Variants in AVIL observed in about 807,000 individuals in gnomAD.
AVIL encodes advillin.
AVIL carries 78 observed loss-of-function variants against 109.9 expected under a neutral mutation model. The ratio of observed to expected loss-of-function variants is 0.71; its 90% confidence interval spans 0.59 to 0.86. AVIL has a LOEUF of 0.86. Ranked by LOEUF, AVIL falls within the 40% of genes least tolerant of loss-of-function variation. The pLI is 0.00. For missense variants in AVIL, 892 were observed against 1,016.5 expected (o/e 0.88, Z 1.67); for synonymous variants, 367 against 379.1 (o/e 0.97, Z 0.37).
chr12:57,806,303 G>A, intron 14 of AVIL, 57 bp downstream of exon 14: 3 of 1,586,612 alleles, frequency 1.9e-6, no homozygotes, highest in African/African-American at 1.3e-5. Context: ...ACAGGAGGAG[G>A]GGAGTGCAGG....
rs112927452 is a variant in AVIL at position 57,799,768 on chromosome 12, A to G, written c.2346+27T>C. 9,407 of 1,613,054 alleles carry G rather than the reference A, an allele frequency of 5.8e-3. 282 individuals carry two copies. In the South Asian group the frequency reaches 0.063, roughly 11 times the overall value. On this transcript the variant is annotated intron_variant, in intron 19 of 19. Coordinates refer to ENST00000549994, the MANE Select transcript of AVIL (RefSeq NM_006576.4). ...TTACTCACGGAGAGCTCCACTTCCAACAGACACAGTTCCTTCAGCCACTCA... is the reference window on the plus strand; with the variant it reads ...TTACTCACGGAGAGCTCCACTTCCAGCAGACACAGTTCCTTCAGCCACTCA...
chr12:57,802,456 G>T, intron 16 of AVIL, 108 bp from the exon 17 acceptor site: 2 of 1,339,594 alleles, frequency 1.5e-6, no homozygotes, highest in Non-Finnish European at 2.1e-6. Context: ...GCAATTCACA[G>T]CCTCAGAAAA....
rs375869474 is a variant in AVIL at position 57,814,191 on chromosome 12, G to A, written c.102C>T (p.His34=). 19 of 1,612,996 alleles carry A rather than the reference G, an allele frequency of 1.2e-5. No individual in the cohort carries two copies. Among genetic ancestry groups the A allele is most frequent in the Admixed American group, 3.3e-5 (2 of 59,908 alleles). ...MELALVPVSA[H]GNFYEGDCYV... ...AGCAGTCCCCCTCATAGAAGTTGCC[G>A]TGGGCGCTCACAGGCACCAGCGCCA... Residue 34 remains histidine (H), a synonymous_variant, in exon 3 of 20, where the codon CAC becomes CAT. Transcript: ENST00000549994.
In AVIL at chr12:57,797,510, A is replaced by T. The variant is rs1379001118; in HGVS notation, c.*372T>A. ...ACAGGCTAAATAGATTTTAGAAATA[A>T]TCATCTTAAAATTGAAAACAAAGGT... On this transcript the variant is annotated 3_prime_UTR_variant, in exon 20 of 20. Coordinates refer to ENST00000549994, the MANE Select transcript of AVIL (RefSeq NM_006576.4). 1.0e-5 allele frequency: 10 copies of T among 973,254 alleles called. No individual in the cohort carries two copies. Among genetic ancestry groups the T allele is most frequent in the Non-Finnish European group, 1.2e-5 (10 of 818,798 alleles). 60.3% of individuals were successfully genotyped at this position (973,254 alleles called of 1,614,324 possible). A position where few individuals can be genotyped will look rare whatever the true frequency, so the allele number is the denominator to read the frequency against.
chr12:57,810,660 A>T, intron 6 of AVIL, 109 bp from the exon 7 acceptor site: 3 of 1,404,908 alleles, frequency 2.1e-6, no homozygotes, highest in Non-Finnish European at 3.0e-6. Context: ...TTGGATGCTG[A>T]GGAGTCCAGG....
At chr12:57,803,037 C>T (rs560265191) in intron 16 of AVIL, among the ~76,000 whole-genome samples, 115 of 152,232 alleles carry the variant, frequency 7.6e-4, no homozygotes, top group African/African-American at 2.6e-3. Flanking sequence ...TGGGAAAATG[C>T]CCAGGATGGT....
chr12:57,817,186 C>T (rs1388953320), intron 1 of AVIL, among the ~76,000 whole-genome samples: 2 of 151,818 alleles, frequency 1.3e-5, no homozygotes, highest in East Asian at 1.9e-4. Context: ...TTAATTTCTC[C>T]CAAGAGGCAA....
chr12:57,812,045 C>T (rs1956044953), intron 4 of AVIL, among the ~76,000 whole-genome samples: 1 of 152,050 alleles, frequency 6.6e-6, no homozygotes, highest in African/African-American at 2.4e-5. Flanking sequence ...GGCTAGAGTT[C>T]AATAGTGCAA....
intron 19 of AVIL, among the ~76,000 whole-genome samples, chr12:57,799,009 A>G (rs1955792681): frequency 6.6e-6 from 1 of 152,232 alleles, no homozygotes; most frequent in Admixed American, 6.5e-5. Context: ...GGTGCAGAGA[A>G]GCTGAGAATA....
chr12:57,798,951 A>G (rs1323045346), intron 19 of AVIL, among the ~76,000 whole-genome samples: 2 of 152,212 alleles, frequency 1.3e-5, no homozygotes, highest in Non-Finnish European at 2.9e-5. Flanking sequence ...ATGTTAATTC[A>G]TTCACGCAAA....
chr12:57,797,842 T>C lies in AVIL; in HGVS notation c.*40A>G, dbSNP rs1363936600. ...ATTTCCTGATATTGGCACTATCTGC[T>C]CTTTTCTGTGGCCTTGCAATAGGTA... On this transcript the variant is annotated 3_prime_UTR_variant, in exon 20 of 20. Transcript: ENST00000549994. 6.9e-7 allele frequency: 1 copy of C among 1,458,450 alleles called. No homozygotes were observed. Among genetic ancestry groups the C allele is most frequent in the Non-Finnish European group, 9.3e-7 (1 of 1,074,528 alleles). The allele number at this position is 1,458,450 out of a possible 1,614,324, so 90.3% of individuals were successfully genotyped here.
rs1002635882 is a variant in AVIL, at chr12:57,797,806, G to A, written c.*76C>T. ...GTAGCTGAATGTCAGGCAGAAATTGGTGGATAAATTATTTCCTGATATTGG... is the reference window on the plus strand; with the variant it reads ...GTAGCTGAATGTCAGGCAGAAATTGATGGATAAATTATTTCCTGATATTGG... On this transcript the variant is annotated 3_prime_UTR_variant, in exon 20 of 20. Transcript: ENST00000549994. The A allele has an allele frequency of 8.6e-7, 1 of 1,159,820 alleles. No individual in the cohort carries two copies. The highest frequency in any genetic ancestry group is 1.2e-6 in the Non-Finnish European group (1 of 846,814). The allele number at this position is 1,159,820 out of a possible 1,614,324, so 71.8% of individuals were successfully genotyped here. A position where few individuals can be genotyped will look rare whatever the true frequency, so the allele number is the denominator to read the frequency against.
chr12:57,818,182 C>CTTTTTTTTTTTTTTT lies in AVIL; in HGVS notation c.-20+432_-20+446dup, dbSNP rs66731427. ...CACAGGTGTGCACCACCATGCTTGGCTTTTTTTTTTTTTTTTTTTTTTTTT... is the reference window on the plus strand; with the variant it reads ...CACAGGTGTGCACCACCATGCTTGGCTTTTTTTTTTTTTTTTTTTTTTTTTTTTTTTTTTTTTTTT... On this transcript the variant is annotated intron_variant, in intron 1 of 19. Transcript: ENST00000549994. 2.0e-3 allele frequency among the ~76,000 whole-genome samples: 69 copies of CTTTTTTTTTTTTTTT among 35,272 alleles called. 17 individuals are homozygous for CTTTTTTTTTTTTTTT. Among genetic ancestry groups the CTTTTTTTTTTTTTTT allele is most frequent in the East Asian group, 7.1e-3 (4 of 560 alleles). The allele number at this position is 35,272 out of a possible 152,430, so 23.1% of individuals were successfully genotyped here.
intron 1 of AVIL, chr12:57,816,418 T>C (rs898773925): frequency 9.1e-5 from 17 of 187,414 alleles, no homozygotes; most frequent in African/African-American, 3.8e-4. Flanking sequence ...TCATCTTACA[T>C]TGTGTGAATC....
intron 18 of AVIL, 133 bp downstream of exon 18, chr12:57,801,011 C>G: frequency 1.5e-6 from 1 of 650,888 alleles, no homozygotes; most frequent in Non-Finnish European, 2.5e-6. Flanking sequence ...TACAAAAAGT[C>G]TTTACATCAA....
chr12:57,809,940 T>G, intron 7 of AVIL, 50 bp from the exon 8 acceptor site: 1 of 1,572,318 alleles, frequency 6.4e-7, no homozygotes, highest in Non-Finnish European at 8.7e-7. Flanking sequence ...TAAAGCATCT[T>G]GTAGTCAACT....
At chr12:57,806,773 CA>C (rs1955954842) in intron 13 of AVIL, among the ~76,000 whole-genome samples, 1 of 152,206 alleles carries the variant, frequency 6.6e-6, no homozygotes, top group Non-Finnish European at 1.5e-5. Flanking sequence ...TACATCATTT[CA>C]TTGATCCTCA....
intron 19 of AVIL, among the ~76,000 whole-genome samples, chr12:57,799,570 A>G (rs1258719008): frequency 6.6e-6 from 1 of 152,228 alleles, no homozygotes; most frequent in African/African-American, 2.4e-5. Context: ...CTAGTAGCAG[A>G]GAAATGGAAG....
rs753367784 is a variant in AVIL at position 57,799,856 on chromosome 12, G to A, written c.2285C>T (p.Ala762Val). The change falls in exon 19 of 20, where the codon GCA becomes GTA. Residue 762 changes from alanine (A) to valine (V), a missense_variant. Physicochemically the swap from Ala to Val is moderately conservative, Grantham distance 64. Transcript: ENST00000549994. ...CTGATTCTGGTTTTTCAACAGAACTGCTATAGGGTAATATTTTGGCTCACT... is the reference window on the plus strand; with the variant it reads ...CTGATTCTGGTTTTTCAACAGAACTACTATAGGGTAATATTTTGGCTCACT... ...NDSEPKYYPI[A>V]VLLKNQNQEL... is the part of the protein sequence containing the mutation. 3 of 1,614,004 alleles carry A rather than the reference G, an allele frequency of 1.9e-6. No homozygotes were observed. Among genetic ancestry groups the A allele is most frequent in the Non-Finnish European group, 2.5e-6 (3 of 1,180,008 alleles).
Sources: gnomAD v4.1 joint callset for allele counts (sites outside exome capture counted in the v4.1 genomes callset) on GRCh38, gnomAD v4.1.1 for gene constraint, MANE v1.5 for transcripts, NCBI Gene and HGNC (gene_info 2026-07-23, HGNC 2026-07-21) for gene names.